The following USP6NL variants were observed in gnomAD, a reference collection of about 807,000 sequenced individuals.
USP6NL encodes the protein USP6 N-terminal-like protein.
USP6NL carries 26 observed loss-of-function variants against 61.9 expected under a neutral mutation model. The observed-to-expected ratio is 0.42, with a 90% CI of 0.31 to 0.58. The LOEUF (loss-of-function observed/expected upper bound fraction) is 0.58. USP6NL is among the 20% of genes least tolerant of loss of function. The pLI is 0.16. For missense variants in USP6NL, 1,114 were observed against 1,034.3 expected (o/e 1.08, Z -1.06); for synonymous variants, 432 against 390.1 (o/e 1.11, Z -1.27).
chr10:11,471,255 C>T (rs1832734724), intron 14 of USP6NL, among the ~76,000 whole-genome samples: 2 of 152,090 alleles, frequency 1.3e-5, no homozygotes, highest in South Asian at 4.2e-4. Flanking sequence ...GGAATAAAGA[C>T]TTACTGCCAA....
In USP6NL at chr10:11,462,305, G is replaced by T; in HGVS notation, c.*136C>A. 1 of 1,056,100 alleles carries T rather than the reference G, an allele frequency of 9.5e-7. No individual in the cohort carries two copies. Among genetic ancestry groups the T allele is most frequent in the African/African-American group, 1.6e-5 (1 of 62,368 alleles). The allele number at this position is 1,056,100 out of a possible 1,614,324, so 65.4% of individuals were successfully genotyped here. A position where few individuals can be genotyped will look rare whatever the true frequency, so the allele number is the denominator to read the frequency against. Reference sequence around the variant, plus strand: ...TACGTGGGGCTGAAGACATTTCCCTGTATTCTTACTACTAACAGACAGGAG... The same window carrying T: ...TACGTGGGGCTGAAGACATTTCCCTTTATTCTTACTACTAACAGACAGGAG... On this transcript the variant is annotated 3_prime_UTR_variant, in exon 15 of 15. Transcript: ENST00000609104.
At position 11,554,966 on chromosome 10, in the gene USP6NL, AT is replaced by A. The variant is rs764342021; in HGVS notation, c.5-27400del. 2.3e-3 allele frequency among the ~76,000 whole-genome samples: 259 copies of A among 111,846 alleles called. 4 individuals are homozygous for A. The highest frequency in any genetic ancestry group is 5.5e-3 in the African/African-American group (166 of 30,386). 73.4% of individuals were successfully genotyped at this position (111,846 alleles called of 152,430 possible). On this transcript the variant is annotated intron_variant, in intron 2 of 14. Coordinates refer to ENST00000609104, the MANE Select transcript of USP6NL (RefSeq NM_014688.5). ...AGGTGCCTGCCACCATGCCCGGCTA[AT>A]TTTTTTTTTTTTTTTTTTACTAGAG...
Position 11,481,250 on chromosome 10 carries a change from A to G in USP6NL, c.1078+520T>C, listed in dbSNP as rs1833184613. Among the ~76,000 whole-genome samples the G allele has an allele frequency of 6.6e-6, 1 of 152,244 alleles. No homozygotes were observed. Among genetic ancestry groups the G allele is most frequent in the Non-Finnish European group, 1.5e-5 (1 of 68,044 alleles). On this transcript the variant is annotated intron_variant, in intron 14 of 14. Transcript: ENST00000609104. The surrounding 1 kb of genome is among the most constrained non-coding windows in gnomAD (Gnocchi z 4.4). The stretch of plus-strand genomic sequence containing the variant: ...AAATATATTATCTATACTGTAGCAT[A>G]CTACAAAGAGCCCTGGGCTAGTAGT...
At chr10:11,526,809 T>C (rs1405502895) in intron 3 of USP6NL, among the ~76,000 whole-genome samples, 1 of 152,194 alleles carries the variant, frequency 6.6e-6, no homozygotes, top group Admixed American at 6.5e-5. Flanking sequence ...GGTATGTCAA[T>C]TGTCAATAAT....
rs569134621 is a variant in USP6NL, at chr10:11,604,851, T to C, written c.-84+6592A>G. Among the ~76,000 whole-genome samples, 313 of 152,224 alleles carry C rather than the reference T, an allele frequency of 2.1e-3. 3 individuals are homozygous for C. The highest frequency in any genetic ancestry group is 1.1e-3 in the Non-Finnish European group (73 of 67,990). ...GATAAATAATAACTAATAAAATAAT[T>C]ATAATAATATGCTGTAATAAAAGGT... On this transcript the variant is annotated intron_variant, in intron 1 of 14. Transcript: ENST00000609104.
chr10:11,481,742 A>C lies in USP6NL; in HGVS notation c.1078+28T>G. On this transcript the variant is annotated intron_variant, in intron 14 of 14. Coordinates refer to ENST00000609104, the MANE Select transcript of USP6NL (RefSeq NM_014688.5). The surrounding 1 kb of genome is among the most constrained non-coding windows in gnomAD (Gnocchi z 4.4). ...TGTCTTCCAATCTTAATTATAACGT[A>C]GATATAAAGTATTGGGGTAATTCTT... The C allele has an allele frequency of 6.4e-7, 1 of 1,568,562 alleles. No individual in the cohort carries two copies. Among genetic ancestry groups the C allele is most frequent in the Non-Finnish European group, 8.6e-7 (1 of 1,161,620 alleles).
At chr10:11,610,976 T>C (rs1207653644) in intron 1 of USP6NL, among the ~76,000 whole-genome samples, 1 of 152,076 alleles carries the variant, frequency 6.6e-6, no homozygotes, top group South Asian at 2.1e-4. Context: ...GACTTGCAGA[T>C]CTCTCATTCG....
At position 11,546,822 on chromosome 10, in the gene USP6NL, C is replaced by T. The variant is rs143361836; in HGVS notation, c.5-19255G>A. Among the ~76,000 whole-genome samples the T allele has an allele frequency of 5.3e-5, 8 of 152,248 alleles. No homozygotes were observed. In the East Asian group the frequency reaches 1.5e-3, roughly 29 times the overall value. ...AGAAACCAAAGTTAATTGCCTACTT[C>T]CTTTTAAACACTATCAAGCAAAAAT... On this transcript the variant is annotated intron_variant, in intron 2 of 14. Coordinates refer to ENST00000609104, the MANE Select transcript of USP6NL (RefSeq NM_014688.5).
chr10:11,508,251 T>C (rs1566144863), intron 6 of USP6NL, among the ~76,000 whole-genome samples: 1 of 152,230 alleles, frequency 6.6e-6, no homozygotes, highest in Non-Finnish European at 1.5e-5. Context: ...ATGCTTGTTC[T>C]ATGTAAGGTA....
At chr10:11,599,219 C>T (rs1838428445) in intron 1 of USP6NL, among the ~76,000 whole-genome samples, 2 of 152,112 alleles carry the variant, frequency 1.3e-5, no homozygotes, top group African/African-American at 4.8e-5. Context: ...AAGACAGTCC[C>T]GTGTTACAAA....
rs1838162154 is a variant in USP6NL at position 11,591,693 on chromosome 10, C to T, written c.4+5938G>A. The stretch of plus-strand genomic sequence containing the variant: ...AATGTAAATATTTGATAAATCTCAC[C>T]AAAAGGTATATGGAAATTTGGGGTA... On this transcript the variant is annotated intron_variant, in intron 2 of 14. Coordinates refer to ENST00000609104, the MANE Select transcript of USP6NL (RefSeq NM_014688.5). The surrounding 1 kb of genome is among the most constrained non-coding windows in gnomAD (Gnocchi z 4.7). Among the ~76,000 whole-genome samples the T allele has an allele frequency of 6.6e-6, 1 of 151,660 alleles. No homozygotes were observed. The highest frequency in any genetic ancestry group is 1.5e-5 in the Non-Finnish European group (1 of 67,942).
intron 2 of USP6NL, among the ~76,000 whole-genome samples, chr10:11,543,195 T>G (rs1294041283): frequency 6.6e-6 from 1 of 152,154 alleles, no homozygotes; most frequent in Non-Finnish European, 1.5e-5. Context: ...AAAGCAAATT[T>G]TAAAACCAAA....
At chr10:11,603,673 T>C (rs1238716575) in intron 1 of USP6NL, among the ~76,000 whole-genome samples, 2 of 152,248 alleles carry the variant, frequency 1.3e-5, no homozygotes, top group Non-Finnish European at 2.9e-5. Flanking sequence ...TTAATAGATA[T>C]TAATTCAGCT....
In USP6NL at chr10:11,528,060, A is replaced by G. The variant is rs935142927; in HGVS notation, c.5-493T>C. ...CCCTTTATCAACAGCCTCAACTGCT[A>G]TAACAATCTCCTAACCGGTCTCTAG... is the stretch of plus-strand genomic sequence containing the variant. On this transcript the variant is annotated intron_variant, in intron 2 of 14. Coordinates refer to ENST00000609104, the MANE Select transcript of USP6NL (RefSeq NM_014688.5). This position sits in a 1 kb window ranked among gnomAD's most constrained non-coding sequence, Gnocchi z 4.6. Among the ~76,000 whole-genome samples, 5 of 152,012 alleles carry G rather than the reference A, an allele frequency of 3.3e-5. No homozygotes were observed. The highest frequency in any genetic ancestry group is 9.7e-5 in the African/African-American group (4 of 41,392).
chr10:11,492,205 C>G (rs986776414), intron 8 of USP6NL, among the ~76,000 whole-genome samples: 1 of 152,180 alleles, frequency 6.6e-6, no homozygotes, highest in African/African-American at 2.4e-5. Context: ...GACTTGGTTA[C>G]TATCTTACTT....
chr10:11,529,990 T>C (rs1835583100), intron 2 of USP6NL, among the ~76,000 whole-genome samples: 1 of 150,310 alleles, frequency 6.7e-6, no homozygotes, highest in Non-Finnish European at 1.5e-5. Flanking sequence ...GGTCCCAGCT[T>C]AGTCGGGAGG....
At position 11,540,495 on chromosome 10, in the gene USP6NL, T is replaced by C. The variant is rs189304943; in HGVS notation, c.5-12928A>G. 2.5e-4 allele frequency among the ~76,000 whole-genome samples: 38 copies of C among 152,338 alleles called. No homozygotes were observed. In the East Asian group the frequency reaches 6.0e-3, roughly 24 times the overall value. On this transcript the variant is annotated intron_variant, in intron 2 of 14. Transcript: ENST00000609104. The surrounding 1 kb of genome is among the most constrained non-coding windows in gnomAD (Gnocchi z 5.0). ...TGAATCTACTTCATTCACTTAGTTT[T>C]AAGAACTTCTTTCCCAGCTCATTCA... is the stretch of plus-strand genomic sequence containing the variant.
Position 11,602,089 on chromosome 10 carries a change from AAAT to A in USP6NL, c.-83-4375_-83-4373del, listed in dbSNP as rs1377016678. ...TACATATACACACACACACACGTCC[AAAT>A]AACAAGGGATTGACTACATTGTTAA... On this transcript the variant is annotated intron_variant, in intron 1 of 14. Coordinates refer to ENST00000609104, the MANE Select transcript of USP6NL (RefSeq NM_014688.5). The surrounding 1 kb of genome is among the most constrained non-coding windows in gnomAD (Gnocchi z 4.8). Among the ~76,000 whole-genome samples the A allele has an allele frequency of 6.6e-6, 1 of 152,226 alleles. No homozygotes were observed. The highest frequency in any genetic ancestry group is 2.4e-5 in the African/African-American group (1 of 41,440).
intron 2 of USP6NL, among the ~76,000 whole-genome samples, chr10:11,577,110 T>A (rs1271796640): frequency 6.7e-6 from 1 of 150,026 alleles, no homozygotes; most frequent in East Asian, 2.0e-4. Flanking sequence ...CAGGCTGGAG[T>A]ACAGTGGTGC....
Sources: gnomAD v4.1 joint callset for allele counts (sites outside exome capture counted in the v4.1 genomes callset) on GRCh38, gnomAD v4.1.1 for gene constraint, Gnocchi (gnomAD v3.1) non-coding constraint, MANE v1.5 for transcripts, NCBI Gene and HGNC (gene_info 2026-07-23, HGNC 2026-07-21) for gene names.